The following SCN11A variants were observed in gnomAD, a reference collection of about 807,000 sequenced individuals.
SCN11A encodes sodium voltage-gated channel alpha subunit 11.
In SCN11A, 122 loss-of-function variants were observed where a neutral mutation model predicts 162.2. That is an observed-to-expected ratio of 0.75 (90% CI 0.65 to 0.87). SCN11A has a LOEUF of 0.87. SCN11A is among the 40% of genes least tolerant of loss of function. The pLI, the probability that SCN11A is intolerant of heterozygous loss-of-function variation, is 0.00. For synonymous variants in SCN11A, 758 were observed against 751.5 expected, an observed-to-expected ratio of 1.01 and a Z score of -0.14; for missense variants, 2,015 against 2,181.6, an observed-to-expected ratio of 0.92 and a Z score of 1.52.
At chr3:39,046,117 G>C (rs1452418297) in intron 1 of SCN11A, among the ~76,000 whole-genome samples, 2 of 152,118 alleles carry the variant, frequency 1.3e-5, no homozygotes, top group Non-Finnish European at 2.9e-5. Context: ...AAAATTAGCT[G>C]GGCGTGGTGG....
At chr3:39,042,547 A>T (rs1364740127) in intron 1 of SCN11A, among the ~76,000 whole-genome samples, 1 of 152,168 alleles carries the variant, frequency 6.6e-6, no homozygotes, top group Non-Finnish European at 1.5e-5. Context: ...AAGAGACAAC[A>T]CACAGAATGG....
At chr3:39,016,356 T>C (rs1389790532) in intron 2 of SCN11A, among the ~76,000 whole-genome samples, 1 of 152,186 alleles carries the variant, frequency 6.6e-6, no homozygotes, top group African/African-American at 2.4e-5. Flanking sequence ...GTATGAGGTA[T>C]TGCCTGAAAC....
intron 11 of SCN11A, among the ~76,000 whole-genome samples, chr3:38,916,455 G>T (rs1253199224): frequency 6.6e-6 from 1 of 152,106 alleles, no homozygotes; most frequent in African/African-American, 2.4e-5. Flanking sequence ...TCTACTCTAT[G>T]CATCCATTCT....
intron 2 of SCN11A, among the ~76,000 whole-genome samples, chr3:38,981,264 T>G (rs1484044677): frequency 1.3e-5 from 2 of 152,184 alleles, no homozygotes; most frequent in Non-Finnish European, 2.9e-5. Flanking sequence ...CAGCTTTCCA[T>G]GTATTACGGA....
Position 38,899,067 on chromosome 3 carries a change from T to C in SCN11A, c.2022+827A>G, listed in dbSNP as rs117094124. On this transcript the variant is annotated intron_variant, in intron 17 of 29. Coordinates refer to ENST00000302328, the MANE Select transcript of SCN11A (RefSeq NM_001349253.2). ...AATATAAAATGTACATTTAGGTAAC[T>C]GAATGAGGTGTCTTACTCTATAGGC... 2.8e-3 allele frequency among the ~76,000 whole-genome samples: 424 copies of C among 152,132 alleles called. 11 individuals are homozygous for C. In the East Asian group the frequency reaches 0.047, roughly 17 times the overall value.
intron 2 of SCN11A, among the ~76,000 whole-genome samples, chr3:39,013,425 T>C (rs2031203195): frequency 6.6e-6 from 1 of 151,160 alleles, no homozygotes; most frequent in Non-Finnish European, 1.5e-5. Context: ...AGAAATTCTC[T>C]GGCTTCTGCC....
intron 7 of SCN11A, among the ~76,000 whole-genome samples, chr3:38,931,322 G>A (rs1255507356): frequency 6.6e-6 from 1 of 152,208 alleles, no homozygotes; most frequent in African/African-American, 2.4e-5. Context: ...CTAGAAGGGA[G>A]AAGAATTCTC....
At chr3:38,942,906 T>C (rs1363098232) in intron 7 of SCN11A, among the ~76,000 whole-genome samples, 1 of 152,136 alleles carries the variant, frequency 6.6e-6, no homozygotes, top group Non-Finnish European at 1.5e-5. Context: ...TTGAAAAAGG[T>C]TTAGCAGTTT....
Position 38,950,095 on chromosome 3 carries a change from C to A in SCN11A, c.267+1G>T, listed in dbSNP as rs2066586412. 1.3e-6 allele frequency: 1 copy of A among 765,404 alleles called. No homozygotes were observed. The highest frequency in any genetic ancestry group is 1.9e-5 in the African/African-American group (1 of 52,262). The allele number at this position is 765,404 out of a possible 1,614,324, so 47.4% of individuals were successfully genotyped here. On this transcript the variant is annotated splice_donor_variant, in intron 5 of 29. Transcript: ENST00000302328. LOFTEE classifies it high-confidence loss of function. Reference sequence around the variant, plus strand: ...CCCCCCCCCCCCGCCCAATGAAGTACCTTATGATTTCGGTAGAATGGGTCC... The same window carrying A: ...CCCCCCCCCCCCGCCCAATGAAGTAACTTATGATTTCGGTAGAATGGGTCC...
intron 1 of SCN11A, among the ~76,000 whole-genome samples, chr3:39,038,794 G>GT (rs1167058791): frequency 7.8e-6 from 1 of 127,814 alleles, no homozygotes; most frequent in African/African-American, 4.1e-5. Flanking sequence ...ATACAATAGT[G>GT]AAGTATAAAG....
Position 38,870,719 on chromosome 3 carries a change from A to G in SCN11A, c.3785T>C (p.Ile1262Thr), listed in dbSNP as rs2065111981. Residue 1262 changes from isoleucine (I) to threonine (T), a missense_variant, in exon 26 of 30, where the codon ATT becomes ACT. Ile to Thr is a moderately conservative substitution (Grantham distance 89). Transcript: ENST00000302328. Reference sequence around the variant, plus strand: ...TGTGGAATCAACAGCTGCATATATAATATCCATCCAGCCCTTAAATGTTGC... The same window carrying G: ...TGTGGAATCAACAGCTGCATATATAGTATCCATCCAGCCCTTAAATGTTGC... ...QVATFKGWMD[I>T]IYAAVDSTEK... is the part of the protein sequence containing the mutation. The G allele has an allele frequency of 1.2e-6, 2 of 1,613,580 alleles. No homozygotes were observed. The highest frequency in any genetic ancestry group is 1.7e-6 in the Non-Finnish European group (2 of 1,179,586).
In SCN11A at chr3:38,908,122, C is replaced by G. The variant is rs1448320714; in HGVS notation, c.1300G>C (p.Ala434Pro). 6.2e-7 allele frequency: 1 copy of G among 1,608,880 alleles called. No individual in the cohort carries two copies. Among genetic ancestry groups the G allele is most frequent in the Admixed American group, 1.7e-5 (1 of 58,670 alleles). Residue 434 changes from alanine (A) to proline (P), a missense_variant and splice_region_variant, in exon 14 of 30, where the codon GCT (alanine) becomes CCT (proline). Coordinates refer to ENST00000302328, the MANE Select transcript of SCN11A (RefSeq NM_001349253.2). Reference sequence around the variant, plus strand: ...CTGTCAATTCCCATGGCAACCAGAGCCTTCAAATTGAACAAAAGCAATTAA... The same window carrying G: ...CTGTCAATTCCCATGGCAACCAGAGGCTTCAAATTGAACAAAAGCAATTAA... The part of the protein sequence containing the change: ...AQQLLKEEKE[A>P]LVAMGIDRSS...
intron 7 of SCN11A, among the ~76,000 whole-genome samples, chr3:38,935,793 A>G (rs1232507399): frequency 6.6e-6 from 1 of 152,238 alleles, no homozygotes; most frequent in African/African-American, 2.4e-5. Context: ...CCAGAGGTAC[A>G]AGGAGGAACT....
intron 16 of SCN11A, 45 bp downstream of exon 16, chr3:38,903,820 T>C (rs2065742521): frequency 7.3e-7 from 1 of 1,376,924 alleles, no homozygotes; most frequent in Non-Finnish European, 9.8e-7. Flanking sequence ...AGTTATACTT[T>C]AAAGTATGAA....
intron 2 of SCN11A, among the ~76,000 whole-genome samples, chr3:39,016,981 T>C (rs2031306349): frequency 6.6e-6 from 1 of 152,250 alleles, no homozygotes; most frequent in Admixed American, 6.5e-5. Context: ...ACTTTAAAAA[T>C]GTTGCTTCAC....
intron 1 of SCN11A, among the ~76,000 whole-genome samples, chr3:39,040,817 G>A (rs1283371754): frequency 3.3e-5 from 5 of 152,142 alleles, no homozygotes; most frequent in African/African-American, 4.8e-5. Context: ...GGTGGCTCAC[G>A]CCTGTAATCC....
At chr3:39,024,062 C>G (rs1017985273) in intron 2 of SCN11A, among the ~76,000 whole-genome samples, 1 of 152,156 alleles carries the variant, frequency 6.6e-6, no homozygotes, top group Non-Finnish European at 1.5e-5. Context: ...GATACCTGTC[C>G]TCCCCATCAC....
chr3:38,936,804 A>G (rs1056043377), intron 7 of SCN11A, among the ~76,000 whole-genome samples: 1 of 152,248 alleles, frequency 6.6e-6, no homozygotes, highest in Admixed American at 6.5e-5. Flanking sequence ...GCCCAAGGTA[A>G]GTTATAGATT....
intron 23 of SCN11A, among the ~76,000 whole-genome samples, chr3:38,877,134 C>G (rs1241817655): frequency 2.8e-5 from 1 of 36,320 alleles, no homozygotes; most frequent in African/African-American, 1.0e-4. Flanking sequence ...GGTGTATATA[C>G]TATATATATG....
Sources: allele counts gnomAD v4.1 joint callset (sites outside exome capture counted in the v4.1 genomes callset), GRCh38; gene constraint gnomAD v4.1.1; transcripts MANE v1.5; gene names NCBI Gene and HGNC (gene_info 2026-07-23, HGNC 2026-07-21).